The following PTGER3 variants were observed in gnomAD, a reference collection of about 807,000 sequenced individuals.
PTGER3 encodes prostaglandin E receptor 3, also known as prostaglandin E2 receptor EP3 subtype.
In PTGER3, 22 loss-of-function variants were observed where a neutral mutation model predicts 34.7. The ratio of observed to expected loss-of-function variants is 0.63; its 90% confidence interval spans 0.45 to 0.91. The LOEUF (loss-of-function observed/expected upper bound fraction) is 0.91, where lower values mean the gene tolerates loss of function less well. PTGER3 is among the 40% of genes least tolerant of loss of function. The pLI is 0.00. For synonymous variants in PTGER3, 241 were observed against 230.1 expected, an observed-to-expected ratio of 1.05 and a Z score of -0.43; for missense variants, 468 against 519.4, an observed-to-expected ratio of 0.90 and a Z score of 0.96.
intron 4 of PTGER3, among the ~76,000 whole-genome samples, chr1:70,931,745 C>A (rs1049800229): frequency 2.0e-5 from 3 of 152,146 alleles, no homozygotes; most frequent in Admixed American, 1.3e-4. Flanking sequence ...GCATGGGAAC[C>A]CTGACCCTGG....
chr1:70,924,704 T>C (rs1324792288), intron 4 of PTGER3, among the ~76,000 whole-genome samples: 1 of 152,192 alleles, frequency 6.6e-6, no homozygotes, highest in Non-Finnish European at 1.5e-5. Flanking sequence ...CAGGAGAAAC[T>C]TACTAAACAT....
intron 1 of PTGER3, among the ~76,000 whole-genome samples, chr1:71,040,353 G>A (rs532128441): frequency 2.8e-4 from 43 of 152,248 alleles, no homozygotes; most frequent in Non-Finnish European, 4.9e-4. Flanking sequence ...TAATGCCACA[G>A]CACTTTGGGA....
intron 4 of PTGER3, among the ~76,000 whole-genome samples, chr1:70,942,474 T>G (rs1408242402): frequency 6.6e-6 from 1 of 152,200 alleles, no homozygotes; most frequent in African/African-American, 2.4e-5. Context: ...CATCCTAAGC[T>G]CCAGCATTAC....
At chr1:71,013,651 A>G (rs893161651) in intron 1 of PTGER3, among the ~76,000 whole-genome samples, 3 of 151,616 alleles carry the variant, frequency 2.0e-5, no homozygotes, top group Admixed American at 1.3e-4. Context: ...GCAGTGAGCC[A>G]GGATCATGCC....
intron 2 of PTGER3, among the ~76,000 whole-genome samples, chr1:70,977,576 G>A (rs569994867): frequency 1.3e-5 from 2 of 152,090 alleles, no homozygotes; most frequent in South Asian, 4.2e-4. Flanking sequence ...GTGTAACTTG[G>A]CATAAATCTA....
intron 4 of PTGER3, among the ~76,000 whole-genome samples, chr1:70,892,213 T>C (rs1646632580): frequency 6.6e-6 from 1 of 152,220 alleles, no homozygotes; most frequent in Non-Finnish European, 1.5e-5. Flanking sequence ...ACTTATGAGC[T>C]GTTGCTTTGG....
chr1:70,982,840 A>G (rs1487148065), intron 2 of PTGER3, among the ~76,000 whole-genome samples: 1 of 151,910 alleles, frequency 6.6e-6, no homozygotes, highest in Non-Finnish European at 1.5e-5. Context: ...CTCGGTAAAG[A>G]CTCATAAATA....
At chr1:70,916,122 CAT>C (rs1377041209) in intron 4 of PTGER3, among the ~76,000 whole-genome samples, 2 of 151,908 alleles carry the variant, frequency 1.3e-5, no homozygotes, top group African/African-American at 2.4e-5. Context: ...AACGAACAAA[CAT>C]ATGAAAAAAT....
In PTGER3 at chr1:70,970,844, A is replaced by G. The variant is rs2100673093; in HGVS notation, c.*886T>C. On this transcript the variant is annotated 3_prime_UTR_variant, in exon 4 of 4. Coordinates refer to ENST00000306666, the MANE Select transcript of PTGER3 (RefSeq NM_198719.2). ...GACAAAATAGATTCTTTTATTTTAT[A>G]AAAACGTAATAAAGTTTGTTATTCA... is the stretch of plus-strand genomic sequence containing the variant. 2 of 928,644 alleles carry G rather than the reference A, an allele frequency of 2.2e-6. No homozygotes were observed. The highest frequency in any genetic ancestry group is 1.2e-4 in the Admixed American group (2 of 16,224). The allele number at this position is 928,644 out of a possible 1,614,324, so 57.5% of individuals were successfully genotyped here.
At chr1:70,867,611 G>C (rs1646070652) in intron 4 of PTGER3, among the ~76,000 whole-genome samples, 1 of 152,140 alleles carries the variant, frequency 6.6e-6, no homozygotes, top group African/African-American at 2.4e-5. Context: ...TGTAGTCCCA[G>C]CTACTTGGGA....
chr1:71,010,571 A>G (rs1042352256), intron 2 of PTGER3: 1 of 984,818 alleles, frequency 1.0e-6, no homozygotes, highest in Non-Finnish European at 1.2e-6. Context: ...ACCAACCAAG[A>G]GGTAAAGCCT....
intron 4 of PTGER3, among the ~76,000 whole-genome samples, chr1:70,913,893 T>G (rs1572631838): frequency 6.6e-6 from 1 of 151,870 alleles, no homozygotes; most frequent in African/African-American, 2.4e-5. Context: ...CAAAAATGTT[T>G]GTGTCTATCT....
chr1:71,028,023 G>A (rs1659087543), intron 1 of PTGER3, among the ~76,000 whole-genome samples: 1 of 152,070 alleles, frequency 6.6e-6, no homozygotes, highest in African/African-American at 2.4e-5. Context: ...CCTTTATTCT[G>A]TCAATTAAAC....
intron 4 of PTGER3, among the ~76,000 whole-genome samples, chr1:70,917,403 TTGTGTGTG>T (rs59163586): frequency 0.014 from 1,973 of 136,368 alleles, 49 homozygotes; most frequent in African/African-American, 0.05. Flanking sequence ...GTATTTTATT[TTGTGTGTG>T]TGTGTGTGTG....
At position 71,047,304 on chromosome 1, in the gene PTGER3, T is replaced by C. The variant is rs778314881; in HGVS notation, c.274A>G (p.Ile92Val). 6 of 1,604,648 alleles carry C rather than the reference T, an allele frequency of 3.7e-6. No individual in the cohort carries two copies. The South Asian group carries it at 4.5e-5, about 12-fold the overall frequency. The change falls in exon 1 of 4, where the codon ATC becomes GTC. Residue 92 changes from isoleucine (I) to valine (V), a missense_variant. Transcript: ENST00000306666. ...AGGTCGGTGAGCGCCAGCCAGCCGA[T>C]GCACAGCAGGAAGGACTTCTTGCGC... ...SKRKKSFLLCIGWLALTDLVG... is the reference protein window; with the variant it reads ...SKRKKSFLLCVGWLALTDLVG...
At position 71,047,245 on chromosome 1, in the gene PTGER3, G is replaced by A. The variant is rs1437307987; in HGVS notation, c.333C>T (p.Ile111=). 2.5e-6 allele frequency: 4 copies of A among 1,595,266 alleles called. No homozygotes were observed. Among genetic ancestry groups the A allele is most frequent in the South Asian group, 2.3e-5 (2 of 88,538 alleles). Residue 111 remains isoleucine (I), a synonymous_variant, in exon 1 of 4, where the codon ATC becomes ATT. Coordinates refer to ENST00000306666, the MANE Select transcript of PTGER3 (RefSeq NM_198719.2). ...VGQLLTTPVV[I]VVYLSKQRWE... The stretch of plus-strand genomic sequence containing the variant: ...AACGCTGCTTGGACAGGTACACGAC[G>A]ATGACGACCGGGGTGGTGAGAAGCT...
At chr1:70,897,830 G>A (rs1439012746) in intron 4 of PTGER3, among the ~76,000 whole-genome samples, 1 of 152,104 alleles carries the variant, frequency 6.6e-6, no homozygotes, top group Non-Finnish European at 1.5e-5. Context: ...TGCTGTTATT[G>A]ACTTCAACAT....
At chr1:70,943,494 G>A (rs1372787471) in intron 4 of PTGER3, among the ~76,000 whole-genome samples, 3 of 152,058 alleles carry the variant, frequency 2.0e-5, no homozygotes, top group Non-Finnish European at 4.4e-5. Context: ...TTTTATAGCA[G>A]GAACAAGATC....
At chr1:70,961,119 A>G (rs1205393630) in intron 2 of PTGER3, among the ~76,000 whole-genome samples, 1 of 152,188 alleles carries the variant, frequency 6.6e-6, no homozygotes, top group Admixed American at 6.5e-5. Context: ...ACAATGTCAA[A>G]CCTGCCTGAT....
Sources: gnomAD v4.1 joint callset for allele counts (sites outside exome capture counted in the v4.1 genomes callset) on GRCh38, gnomAD v4.1.1 for gene constraint, MANE v1.5 for transcripts, NCBI Gene and HGNC (gene_info 2026-07-23, HGNC 2026-07-21) for gene names.